ZNF654: variants seen among roughly 807,000 people sequenced by gnomAD.
ZNF654 encodes melanoma-associated antigen.
ZNF654 carries 19 observed loss-of-function variants against 95.3 expected under a neutral mutation model. The ratio of observed to expected loss-of-function variants is 0.20; its 90% CI spans 0.14 to 0.29. The LOEUF (loss-of-function observed/expected upper bound fraction) is 0.29, where lower values mean the gene tolerates loss of function less well. Among genes scored for constraint, ZNF654 ranks in the 10% least tolerant of loss-of-function variants. The pLI is 1.00. For missense variants in ZNF654, 1,046 were observed against 1,341.0 expected, an observed-to-expected ratio of 0.78 and a Z score of 3.44; for synonymous variants, 413 against 457.9, an observed-to-expected ratio of 0.90 and a Z score of 1.25.
At chr3:88,104,012 T>G (rs1463388899) in intron 2 of ZNF654, among the ~76,000 whole-genome samples, 10 of 152,050 alleles carry the variant, frequency 6.6e-5, no homozygotes, top group Non-Finnish European at 5.9e-5. Context: ...TCCACCTGCC[T>G]CGGCCTCTGC....
intron 2 of ZNF654, among the ~76,000 whole-genome samples, chr3:88,103,150 CA>C (rs1186283639): frequency 6.6e-6 from 1 of 151,874 alleles, no homozygotes; most frequent in Non-Finnish European, 1.5e-5. Context: ...TTTCAAAAAC[CA>C]GAAATTACAG....
At chr3:88,072,042 T>G (rs933468465) in intron 1 of ZNF654, among the ~76,000 whole-genome samples, 1 of 152,162 alleles carries the variant, frequency 6.6e-6, no homozygotes, top group Non-Finnish European at 1.5e-5. Context: ...AATCTACATA[T>G]ATAAAGTACA....
chr3:88,093,368 T>C (rs1703862878), intron 2 of ZNF654, among the ~76,000 whole-genome samples: 1 of 152,190 alleles, frequency 6.6e-6, no homozygotes, highest in African/African-American at 2.4e-5. Context: ...AGCCTCCTTT[T>C]ACCCAACAGA....
At chr3:88,067,461 T>C (rs1228980383) in intron 1 of ZNF654, among the ~76,000 whole-genome samples, 2 of 152,084 alleles carry the variant, frequency 1.3e-5, no homozygotes, top group East Asian at 3.9e-4. Flanking sequence ...TGAGCTCACA[T>C]AGGGAGAGAA....
Position 88,139,928 on chromosome 3 carries a change from T to G in ZNF654, c.2259T>G (p.Cys753Trp). The change falls in exon 8 of 9, where the codon TGT becomes TGG. Residue 753 changes from cysteine (C) to tryptophan (W), a missense_variant. Cys to Trp is a radical substitution (Grantham distance 215). Around this residue, in one of 9 missense-constraint regions of ZNF654, gnomAD observed 495 missense variants for 537.0 expected, o/e 0.92. Coordinates refer to ENST00000636215, the MANE Select transcript of ZNF654 (RefSeq NM_001350134.2). ...ACTTTAAGTGTCCTGCTCTTGGTTG[T>G]GTCCGGATATTTAAAAGAATTGGGT... ...EGNFKCPALG[C>W]VRIFKRIGFL... 6.2e-7 allele frequency: 1 copy of G among 1,613,714 alleles called. No individual in the cohort carries two copies. The highest frequency in any genetic ancestry group is 8.5e-7 in the Non-Finnish European group (1 of 1,179,776).
At position 88,064,409 on chromosome 3, in the gene ZNF654, T is replaced by C. The variant is rs543377801; in HGVS notation, c.186+4904T>C. Among the ~76,000 whole-genome samples the C allele has an allele frequency of 5.2e-4, 79 of 152,346 alleles. No homozygotes were observed. The Middle Eastern group carries it at 0.024, about 46-fold the overall frequency. On this transcript the variant is annotated intron_variant, in intron 1 of 8. Transcript: ENST00000636215. ...TATCCCTTTCCTTCCTGCTACCCTCTTTGTGTCCAAATGTTCAGTGTCTTC... is the reference window on the plus strand; with the variant it reads ...TATCCCTTTCCTTCCTGCTACCCTCCTTGTGTCCAAATGTTCAGTGTCTTC...
intron 1 of ZNF654, among the ~76,000 whole-genome samples, chr3:88,061,109 A>G (rs1706855540): frequency 2.6e-5 from 4 of 152,138 alleles, no homozygotes; most frequent in Admixed American, 1.3e-4. Context: ...TTTTGTAACT[A>G]TACCTTTTAC....
intron 1 of ZNF654, among the ~76,000 whole-genome samples, chr3:88,064,425 C>G (rs1177959118): frequency 2.0e-5 from 3 of 152,116 alleles, no homozygotes; most frequent in Non-Finnish European, 4.4e-5. Context: ...TCCAAATGTT[C>G]AGTGTCTTCA....
At chr3:88,127,548 T>C (rs981824048) in intron 4 of ZNF654, among the ~76,000 whole-genome samples, 1 of 151,824 alleles carries the variant, frequency 6.6e-6, no homozygotes, top group Non-Finnish European at 1.5e-5. Context: ...GGTGACAGAC[T>C]AGAGGAAATT....
chr3:88,136,489 A>G (rs997382040), intron 7 of ZNF654, among the ~76,000 whole-genome samples: 1 of 152,248 alleles, frequency 6.6e-6, no homozygotes, highest in African/African-American at 2.4e-5. Context: ...CATAGATGGC[A>G]TATCTAAAAA....
intron 2 of ZNF654, among the ~76,000 whole-genome samples, chr3:88,109,448 C>T (rs1704957472): frequency 6.6e-6 from 1 of 152,002 alleles, no homozygotes; most frequent in Non-Finnish European, 1.5e-5. Context: ...TAGAGTAGAC[C>T]TAATTTTCCT....
At chr3:88,070,661 C>G (rs1245897575) in intron 1 of ZNF654, among the ~76,000 whole-genome samples, 3 of 146,536 alleles carry the variant, frequency 2.0e-5, no homozygotes, top group Non-Finnish European at 3.0e-5. Context: ...AACAGCAGGG[C>G]TGAATAATTG....
intron 1 of ZNF654, among the ~76,000 whole-genome samples, chr3:88,076,829 C>G (rs1459720367): frequency 6.6e-6 from 1 of 152,086 alleles, no homozygotes; most frequent in Non-Finnish European, 1.5e-5. Context: ...TTTAAAATGA[C>G]CTGCTATTCA....
intron 1 of ZNF654, among the ~76,000 whole-genome samples, chr3:88,060,127 T>C (rs562246394): frequency 9.2e-5 from 14 of 152,160 alleles, no homozygotes; most frequent in Non-Finnish European, 1.6e-4. Flanking sequence ...TCTTTTTTTT[T>C]AACCTCCTTC....
intron 2 of ZNF654, among the ~76,000 whole-genome samples, chr3:88,101,291 C>T (rs767639768): frequency 2.6e-5 from 4 of 152,130 alleles, no homozygotes; most frequent in Non-Finnish European, 5.9e-5. Context: ...CCAGTGCCTA[C>T]CCAGCTCAAG....
At chr3:88,137,407 A>C (rs1706862804) in intron 7 of ZNF654, among the ~76,000 whole-genome samples, 1 of 152,112 alleles carries the variant, frequency 6.6e-6, no homozygotes. Context: ...AAGTAAATGG[A>C]ATAGGTCTGA....
Position 88,141,774 on chromosome 3 carries a change from A to G in ZNF654, c.*122A>G. On this transcript the variant is annotated 3_prime_UTR_variant, in exon 9 of 9. Transcript: ENST00000636215. ...AATTTTAGAGTGGTCTTGGATTACT[A>G]AAGATAAAGACAAAGCACATTTTCT... is the stretch of plus-strand genomic sequence containing the variant. The G allele has an allele frequency of 2.9e-6, 2 of 684,952 alleles. No homozygotes were observed. The highest frequency in any genetic ancestry group is 4.6e-6 in the Non-Finnish European group (2 of 437,132). 42.4% of individuals were successfully genotyped at this position (684,952 alleles called of 1,614,324 possible).
rs956517781 is a variant in ZNF654, at chr3:88,144,522, A to T, written c.*2870A>T. ...ATTTGTGCTTCCTTGTTGAATGTTA[A>T]ATTATTTTACTTTGCATTTTATAAG... On this transcript the variant is annotated 3_prime_UTR_variant, in exon 9 of 9. Transcript: ENST00000636215. The T allele has an allele frequency of 3.9e-5, 6 of 152,508 alleles. No homozygotes were observed. Among genetic ancestry groups the T allele is most frequent in the Admixed American group, 3.9e-4 (6 of 15,254 alleles). 9.4% of individuals were successfully genotyped at this position (152,508 alleles called of 1,614,324 possible).
chr3:88,094,775 C>T (rs945977761), intron 2 of ZNF654, among the ~76,000 whole-genome samples: 1 of 151,938 alleles, frequency 6.6e-6, no homozygotes, highest in African/African-American at 2.4e-5. Flanking sequence ...TAAAAAACTA[C>T]AGAGCTGAAC....
Sources: gnomAD v4.1 joint callset for allele counts (sites outside exome capture counted in the v4.1 genomes callset) on GRCh38, gnomAD v4.1.1 for gene constraint, gnomAD v4.1.1 regional missense constraint, MANE v1.5 for transcripts, NCBI Gene and HGNC (gene_info 2026-07-23, HGNC 2026-07-21) for gene names.